NBEA: variants seen among roughly 807,000 people sequenced by gnomAD.
NBEA encodes lysosomal-trafficking regulator 2.
NBEA carries 44 observed loss-of-function variants against 343.4 expected under a neutral mutation model. The ratio of observed to expected loss-of-function variants is 0.13; its 90% CI spans 0.10 to 0.16. The LOEUF is 0.16. Among genes scored for constraint, NBEA ranks in the 10% least tolerant of loss-of-function variants. NBEA has a pLI of 1.00. For synonymous variants in NBEA, 1,175 were observed against 1,238.7 expected (o/e 0.95, Z 1.08); for missense variants, 2,555 against 3,631.3 (o/e 0.70, Z 7.62).
intron 33 of NBEA, among the ~76,000 whole-genome samples, chr13:35,228,374 CTTT>C (rs376741335): frequency 4.2e-5 from 6 of 143,646 alleles, no homozygotes; most frequent in African/African-American, 1.5e-4. Context: ...AAGTAATTCT[CTTT>C]TTTTTTTTTT....
At chr13:35,278,810 T>C (rs1457901929) in intron 34 of NBEA, among the ~76,000 whole-genome samples, 1 of 152,082 alleles carries the variant, frequency 6.6e-6, no homozygotes, top group Non-Finnish European at 1.5e-5. Flanking sequence ...ACATGAATAC[T>C]TCGGGCTTTG....
chr13:35,266,341 T>C (rs1346898318), intron 34 of NBEA, among the ~76,000 whole-genome samples: 1 of 151,826 alleles, frequency 6.6e-6, no homozygotes, highest in African/African-American at 2.4e-5. Flanking sequence ...ACTGGGTATG[T>C]ATCCAAAGGA....
intron 45 of NBEA, among the ~76,000 whole-genome samples, chr13:35,581,378 A>G (rs560374680): frequency 0.027 from 4,053 of 151,820 alleles, 95 homozygotes; most frequent in Non-Finnish European, 0.038. Flanking sequence ...GCCAGTGATG[A>G]TGAGCATTTT....
rs530479553 is a variant in NBEA, at chr13:35,491,000, AG to A, written c.6585+18466del. Among the ~76,000 whole-genome samples, 38 of 152,102 alleles carry A rather than the reference AG, an allele frequency of 2.5e-4. 1 individual carries two copies. In the South Asian group the frequency reaches 7.7e-3, roughly 31 times the overall value. ...ATTCTGTGTCATAGGGTTGTTGCAC[AG>A]GTTAAATAAATTAATACACATAAAA... On this transcript the variant is annotated intron_variant, in intron 41 of 58. Coordinates refer to ENST00000379939, the MANE Select transcript of NBEA (RefSeq NM_001385012.1).
chr13:35,349,797 C>T (rs1218303281), intron 37 of NBEA, among the ~76,000 whole-genome samples: 1 of 152,004 alleles, frequency 6.6e-6, no homozygotes, highest in African/African-American at 2.4e-5. Flanking sequence ...GAAATCAGAG[C>T]CCACAATTCT....
intron 1 of NBEA, among the ~76,000 whole-genome samples, chr13:35,023,033 G>A (rs7326144): frequency 0.1 from 15,721 of 152,056 alleles, 973 homozygotes; most frequent in South Asian, 0.16. Flanking sequence ...GGCTTACAGT[G>A]AAAGATAGCA....
chr13:35,631,171 A>G (rs1010104296), intron 49 of NBEA, among the ~76,000 whole-genome samples: 4 of 152,204 alleles, frequency 2.6e-5, no homozygotes, highest in African/African-American at 4.8e-5. Context: ...ATCTATTGTT[A>G]TAAGAAAGAA....
intron 39 of NBEA, among the ~76,000 whole-genome samples, chr13:35,446,333 G>T (rs2046042398): frequency 6.6e-6 from 1 of 152,132 alleles, no homozygotes; most frequent in Non-Finnish European, 1.5e-5. Flanking sequence ...TATATACCCA[G>T]TAATGGGATG....
At chr13:35,042,716 T>C (rs370864128) in intron 2 of NBEA, among the ~76,000 whole-genome samples, 1 of 151,934 alleles carries the variant, frequency 6.6e-6, no homozygotes, top group East Asian at 1.9e-4. Context: ...TTGTAATTTC[T>C]AGCATTTCCC....
chr13:35,137,385 G>C (rs1248879732), intron 17 of NBEA, among the ~76,000 whole-genome samples: 1 of 151,628 alleles, frequency 6.6e-6, no homozygotes, highest in Non-Finnish European at 1.5e-5. Context: ...AGGAGGCGGA[G>C]CTTGCAGTAA....
intron 41 of NBEA, among the ~76,000 whole-genome samples, chr13:35,541,146 T>A (rs1272906649): frequency 6.6e-6 from 1 of 152,078 alleles, no homozygotes; most frequent in African/African-American, 2.4e-5. Context: ...ACCTCTCTGC[T>A]TCTTACAATA....
At chr13:35,456,261 A>T (rs1304631210) in intron 40 of NBEA, among the ~76,000 whole-genome samples, 2 of 152,028 alleles carry the variant, frequency 1.3e-5, no homozygotes, top group African/African-American at 4.8e-5. Flanking sequence ...TTTCACTTTT[A>T]GTTCCCTTTC....
intron 51 of NBEA, among the ~76,000 whole-genome samples, chr13:35,647,652 C>T (rs4338658): frequency 0.52 from 78,698 of 151,820 alleles, 20,783 homozygotes; most frequent in Middle Eastern, 0.69. Flanking sequence ...CTGCAACCTT[C>T]GCCTCCCTGG....
At chr13:35,045,788 C>T (rs144450862) in intron 4 of NBEA, among the ~76,000 whole-genome samples, 6,951 of 152,048 alleles carry the variant, frequency 0.046, 237 homozygotes, top group Non-Finnish European at 0.067. Flanking sequence ...AGTTCAGTGG[C>T]GTGATCTTGG....
intron 34 of NBEA, among the ~76,000 whole-genome samples, chr13:35,246,808 G>A (rs2031269286): frequency 1.3e-5 from 2 of 152,274 alleles, no homozygotes; most frequent in Middle Eastern, 3.4e-3. Flanking sequence ...AGTATAGGGA[G>A]GATCAGGTGG....
chr13:35,611,553 A>G (rs2082523812), intron 48 of NBEA, among the ~76,000 whole-genome samples: 1 of 152,158 alleles, frequency 6.6e-6, no homozygotes, highest in Admixed American at 6.6e-5. Context: ...ATCTTAGAAT[A>G]TTTTCACCAC....
chr13:35,306,588 A>G (rs1481978194), intron 35 of NBEA, among the ~76,000 whole-genome samples: 2 of 151,430 alleles, frequency 1.3e-5, no homozygotes, highest in East Asian at 3.9e-4. Context: ...CTTCCCTCCA[A>G]CCCCCACCTC....
chr13:35,117,808 G>A (rs186128100), intron 14 of NBEA, among the ~76,000 whole-genome samples: 5 of 152,000 alleles, frequency 3.3e-5, no homozygotes, highest in African/African-American at 1.2e-4. Flanking sequence ...CTTACATAAT[G>A]TATTTTATTG....
At chr13:35,586,213 T>TTA (rs1335645463) in intron 46 of NBEA, among the ~76,000 whole-genome samples, 1 of 152,202 alleles carries the variant, frequency 6.6e-6, no homozygotes, top group Non-Finnish European at 1.5e-5. Flanking sequence ...ACAGCTCTAG[T>TTA]TTGTAGGTCT....
Sources: gnomAD v4.1 joint callset for allele counts (sites outside exome capture counted in the v4.1 genomes callset) on GRCh38, gnomAD v4.1.1 for gene constraint, MANE v1.5 for transcripts, NCBI Gene and HGNC (gene_info 2026-07-23, HGNC 2026-07-21) for gene names.